Variants in IPO11 observed in about 807,000 individuals in gnomAD.
IPO11 encodes importin 11.
A neutral mutation model predicts 143.2 loss-of-function variants in IPO11; 66 were observed. The ratio of observed to expected loss-of-function variants is 0.46; its 90% CI spans 0.38 to 0.57. IPO11 has a LOEUF of 0.57. Among genes scored for constraint, IPO11 ranks in the 20% least tolerant of loss-of-function variants. The pLI, the probability that IPO11 is intolerant of heterozygous loss-of-function variation, is 0.00. For missense variants in IPO11, 1,026 were observed against 1,141.0 expected (o/e 0.90, Z 1.45); for synonymous variants, 385 against 377.8 (o/e 1.02, Z -0.22).
chr5:62,439,042 G>C (rs1438637997), intron 2 of IPO11, among the ~76,000 whole-genome samples: 1 of 142,768 alleles, frequency 7.0e-6, no homozygotes, highest in Non-Finnish European at 1.5e-5. Flanking sequence ...CTGGGCGACA[G>C]AGTAAGACTC....
At chr5:62,561,407 G>A (rs1447622711) in intron 27 of IPO11, 150 bp downstream of exon 27, 3 of 381,098 alleles carry the variant, frequency 7.9e-6, no homozygotes, top group Non-Finnish European at 1.4e-5. Flanking sequence ...TGTGGTAAAT[G>A]TTGGTCTGGA....
chr5:62,483,922 A>G, intron 10 of IPO11, 88 bp from the exon 11 acceptor site: 2 of 1,086,876 alleles, frequency 1.8e-6, no homozygotes, highest in Non-Finnish European at 2.7e-6. Flanking sequence ...CTTCCCTGAG[A>G]GTGTATTTTT....
intron 5 of IPO11, among the ~76,000 whole-genome samples, chr5:62,466,146 A>G (rs1260300376): frequency 1.3e-5 from 2 of 152,148 alleles, no homozygotes; most frequent in Admixed American, 1.3e-4. Flanking sequence ...GTGTTCTGGG[A>G]GGATCACAGG....
At chr5:62,455,166 A>G (rs1745087178) in intron 5 of IPO11, among the ~76,000 whole-genome samples, 1 of 152,212 alleles carries the variant, frequency 6.6e-6, no homozygotes, top group Non-Finnish European at 1.5e-5. Context: ...TGAAGCATGG[A>G]AAATCTTCCT....
chr5:62,586,207 A>G (rs1744766095), intron 27 of IPO11, among the ~76,000 whole-genome samples: 1 of 152,200 alleles, frequency 6.6e-6, no homozygotes, highest in South Asian at 2.1e-4. Context: ...ACGTGTTTAT[A>G]TGAAGTTGTT....
At chr5:62,507,196 T>C (rs1219884342) in intron 19 of IPO11, among the ~76,000 whole-genome samples, 2 of 152,210 alleles carry the variant, frequency 1.3e-5, no homozygotes, top group African/African-American at 2.4e-5. Context: ...ATTTGAGACT[T>C]GAAGGAACTT....
In IPO11 at chr5:62,504,684, T is replaced by C; in HGVS notation, c.1608T>C (p.Ala536=). The change falls in exon 17 of 30, where the codon GCT becomes GCC. Residue 536 remains alanine, a synonymous_variant. Transcript: ENST00000325324. ...DQDLVVRIET[A]TTLKLTVDDF... The stretch of plus-strand genomic sequence containing the variant: ...TCTTTTAGGTCCGTATTGAAACAGC[T>C]ACAACTTTGAAGTTAAATATCCTTC... 1 of 1,484,940 alleles carries C rather than the reference T, an allele frequency of 6.7e-7. No homozygotes were observed. Among genetic ancestry groups the C allele is most frequent in the South Asian group, 1.2e-5 (1 of 81,064 alleles). 92.0% of individuals were successfully genotyped at this position (1,484,940 alleles called of 1,614,324 possible). A position where few individuals can be genotyped will look rare whatever the true frequency, so the allele number is the denominator to read the frequency against.
chr5:62,574,353 G>A (rs976854053), intron 27 of IPO11, among the ~76,000 whole-genome samples: 13 of 152,100 alleles, frequency 8.5e-5, no homozygotes, highest in African/African-American at 2.4e-4. Context: ...AGGGATTTTA[G>A]GGACTATGGT....
Position 62,437,824 on chromosome 5 carries a change from T to G in IPO11, c.138+407T>G, listed in dbSNP as rs1314129143. Reference sequence around the variant, plus strand: ...TACCGTGTATTTCACTTTAAAATGTTTTCTTTTCTCATCTAAAAATTTCAT... The same window carrying G: ...TACCGTGTATTTCACTTTAAAATGTGTTCTTTTCTCATCTAAAAATTTCAT... On this transcript the variant is annotated intron_variant, in intron 2 of 29. Transcript: ENST00000325324. Among the ~76,000 whole-genome samples the G allele has an allele frequency of 2.6e-5, 4 of 152,220 alleles. 1 individual carries two copies. Among genetic ancestry groups the G allele is most frequent in the Admixed American group, 6.5e-5 (1 of 15,286 alleles).
intron 3 of IPO11, among the ~76,000 whole-genome samples, chr5:62,446,965 T>C (rs989274562): frequency 6.8e-6 from 1 of 147,914 alleles, no homozygotes; most frequent in African/African-American, 2.6e-5. Context: ...AGACTCTGAC[T>C]GCAAAAAAAA....
chr5:62,459,995 C>T (rs1745299334), intron 5 of IPO11, among the ~76,000 whole-genome samples: 1 of 152,058 alleles, frequency 6.6e-6, no homozygotes, highest in Non-Finnish European at 1.5e-5. Flanking sequence ...GTAACTATTA[C>T]CTAGATCTAA....
At chr5:62,474,524 C>A in intron 8 of IPO11, 60 bp downstream of exon 8, 2 of 1,146,026 alleles carry the variant, frequency 1.7e-6, no homozygotes, top group South Asian at 1.4e-5. Flanking sequence ...GTAGCTTATT[C>A]ATTCATTAAT....
intron 29 of IPO11, among the ~76,000 whole-genome samples, chr5:62,613,927 C>T (rs985800367): frequency 3.3e-5 from 5 of 152,176 alleles, no homozygotes; most frequent in African/African-American, 1.2e-4. Flanking sequence ...TGAGTCACCC[C>T]AAGCCTTCAA....
chr5:62,460,039 T>G (rs73105940), intron 5 of IPO11, among the ~76,000 whole-genome samples: 4,588 of 152,310 alleles, frequency 0.03, 228 homozygotes, highest in African/African-American at 0.11. Context: ...CTTTCTGACT[T>G]TTTTTGAGCT....
rs1321029750 is a variant in IPO11, at chr5:62,550,393, C to A, written c.2277C>A (p.Asn759Lys). ...TTGTGGAAAATGCCCTTAAAGTGAA[C>A]CCAATACTAGGTCCACAAATGTTTC... is the stretch of plus-strand genomic sequence containing the variant. ...LKVVENALKVNPILGPQMFQP... is the reference protein window; with the variant it reads ...LKVVENALKVKPILGPQMFQP... Residue 759 changes from asparagine to lysine, a missense_variant, in exon 25 of 30, where the codon AAC becomes AAA. By Grantham distance (94) the Asn-to-Lys change is moderately conservative. Coordinates refer to ENST00000325324, the MANE Select transcript of IPO11 (RefSeq NM_016338.5). The A allele has an allele frequency of 6.2e-7, 1 of 1,612,718 alleles. No individual in the cohort carries two copies. The highest frequency in any genetic ancestry group is 2.2e-5 in the East Asian group (1 of 44,796).
chr5:62,509,813 G>A (rs572948981), intron 19 of IPO11, among the ~76,000 whole-genome samples: 1 of 152,332 alleles, frequency 6.6e-6, no homozygotes, highest in Non-Finnish European at 1.5e-5. Flanking sequence ...TATTTAGGCT[G>A]CTTCCACATG....
In IPO11 at chr5:62,484,176, T is replaced by G; in HGVS notation, c.1174+14T>G. ...CAGAAGGCTTTAGTAAGAATTAATTTTTTAGTGTTAGAATGACTTTTCTCC... is the reference window on the plus strand; with the variant it reads ...CAGAAGGCTTTAGTAAGAATTAATTGTTTAGTGTTAGAATGACTTTTCTCC... On this transcript the variant is annotated intron_variant, in intron 11 of 29. Transcript: ENST00000325324. The G allele has an allele frequency of 6.3e-7, 1 of 1,580,816 alleles. No individual in the cohort carries two copies. Among genetic ancestry groups the G allele is most frequent in the Non-Finnish European group, 8.6e-7 (1 of 1,169,536 alleles).
rs1317387947 is a variant in IPO11 at position 62,588,574 on chromosome 5, C to T, written c.2583-3003C>T. ...CACTTGGTGTTATGGGGTTTTCTTT[C>T]GTTTGTTTTTTCCACTTTTAACCCC... is the stretch of plus-strand genomic sequence containing the variant. On this transcript the variant is annotated intron_variant, in intron 27 of 29. Transcript: ENST00000325324. 2.6e-5 allele frequency among the ~76,000 whole-genome samples: 4 copies of T among 152,126 alleles called. No homozygotes were observed. The South Asian group carries it at 8.3e-4, about 31-fold the overall frequency.
chr5:62,465,553 G>A (rs576415557), intron 5 of IPO11, among the ~76,000 whole-genome samples: 66 of 152,310 alleles, frequency 4.3e-4, no homozygotes, highest in Admixed American at 7.8e-4. Flanking sequence ...AGTGGTTTGT[G>A]TTGTAACACT....
Sources: gnomAD v4.1 joint callset for allele counts (sites outside exome capture counted in the v4.1 genomes callset) on GRCh38, gnomAD v4.1.1 for gene constraint, MANE v1.5 for transcripts, NCBI Gene and HGNC (gene_info 2026-07-23, HGNC 2026-07-21) for gene names.